The following PCLO variants were observed in gnomAD, a reference collection of about 807,000 sequenced individuals.
PCLO encodes protein piccolo.
Under a neutral mutation model 427.5 loss-of-function variants are expected in PCLO, and 82 were observed. The observed-to-expected ratio is 0.19, with a 90% CI of 0.16 to 0.23. PCLO has a LOEUF of 0.23. PCLO is among the 10% of genes least tolerant of loss of function. The pLI is 1.00. For missense variants in PCLO, 6,239 were observed against 6,115.9 expected, an observed-to-expected ratio of 1.02 and a Z score of -0.67; for synonymous variants, 2,357 against 2,155.4, an observed-to-expected ratio of 1.09 and a Z score of -2.59.
Position 82,951,094 on chromosome 7 carries a change from A to G in PCLO, c.9494T>C (p.Leu3165Ser), listed in dbSNP as rs371068804. The G allele has an allele frequency of 4.2e-5, 68 of 1,613,746 alleles. No homozygotes were observed. The highest frequency in any genetic ancestry group is 5.7e-5 in the Non-Finnish European group (67 of 1,179,826). The change falls in exon 6 of 25, where the codon TTG (leucine) becomes TCG (serine). Residue 3165 changes from leucine to serine, a missense_variant. Leu to Ser is a moderately radical substitution (Grantham distance 145, BLOSUM62 -2). Transcript: ENST00000333891. ...AAGAGACTCCATAGTAATAGTTTGC[A>G]AACTGGCACTGATATCAATACCAGT... The part of the protein sequence containing the change: ...AVTGIDISAS[L>S]QTITMESLTA...
chr7:82,994,931 T>C lies in PCLO; in HGVS notation c.3301-28444A>G, dbSNP rs942199980. Among the ~76,000 whole-genome samples, 9 of 151,964 alleles carry C rather than the reference T, an allele frequency of 5.9e-5. No individual in the cohort carries two copies. The Admixed American group carries it at 5.9e-4, about 10-fold the overall frequency. On this transcript the variant is annotated intron_variant, in intron 3 of 24. Transcript: ENST00000333891. Reference sequence around the variant, plus strand: ...AATGTAAAGATTATTCTGTAATTACTGGCTTGGATTTCTGGGTGGATTACT... The same window carrying C: ...AATGTAAAGATTATTCTGTAATTACCGGCTTGGATTTCTGGGTGGATTACT...
At position 82,949,978 on chromosome 7, in the gene PCLO, G is replaced by T. The variant is rs1158170756; in HGVS notation, c.10610C>A (p.Pro3537His). ...QTEPVGTIRT[P>H]SIRARVDAKV... ...GGCATCCACTCGTGCCCGTATGGAG[G>T]GTGTTCTTATGGTTCCAACTGGTTC... Residue 3537 changes from proline to histidine, a missense_variant, in exon 6 of 25, where the codon CCC becomes CAC. Pro to His is a moderately conservative substitution (Grantham distance 77, BLOSUM62 -2). Transcript: ENST00000333891. The T allele has an allele frequency of 6.2e-7, 1 of 1,613,324 alleles. No homozygotes were observed. Among genetic ancestry groups the T allele is most frequent in the Non-Finnish European group, 8.5e-7 (1 of 1,179,774 alleles).
In PCLO at chr7:83,135,448, T is replaced by C. The variant is rs778105246; in HGVS notation, c.2102A>G (p.Lys701Arg). 2 of 1,613,906 alleles carry C rather than the reference T, an allele frequency of 1.2e-6. No homozygotes were observed. The highest frequency in any genetic ancestry group is 3.3e-5 in the Admixed American group (2 of 60,016). ...TTGTTTCACTAGTGGTGGTGGCTTTTTAGGCTCAGGTGCCTTGGAGAGATC... is the reference window on the plus strand; with the variant it reads ...TTGTTTCACTAGTGGTGGTGGCTTTCTAGGCTCAGGTGCCTTGGAGAGATC... Reference protein sequence around the residue: ...KQDLSKAPEPKKPPPLVKQPT... With the variant: ...KQDLSKAPEPRKPPPLVKQPT... The change falls in exon 3 of 25, where the codon AAA (lysine) becomes AGA (arginine). Residue 701 changes from lysine (K) to arginine (R), a missense_variant. Around this residue, in one of 5 missense-constraint regions of PCLO, gnomAD observed 4,677 missense variants for 4,468.4 expected, o/e 1.05. Coordinates refer to ENST00000333891, the MANE Select transcript of PCLO (RefSeq NM_033026.6).
intron 3 of PCLO, among the ~76,000 whole-genome samples, chr7:83,030,133 AAG>A (rs775695023): frequency 0.043 from 6,092 of 142,312 alleles, 189 homozygotes; most frequent in Non-Finnish European, 0.067. Context: ...AAAAAAAAAA[AAG>A]AAAAGAAAAG....
intron 3 of PCLO, among the ~76,000 whole-genome samples, chr7:82,990,710 T>A (rs1403108742): frequency 1.3e-5 from 2 of 152,150 alleles, no homozygotes; most frequent in Non-Finnish European, 2.9e-5. Flanking sequence ...ATAGTTGGTG[T>A]TATGATTGAT....
intron 6 of PCLO, among the ~76,000 whole-genome samples, chr7:82,923,597 C>T (rs182077147): frequency 6.6e-6 from 1 of 152,062 alleles, no homozygotes; most frequent in Non-Finnish European, 1.5e-5. Flanking sequence ...CAGTGTGGCT[C>T]TGTCAAAGAG....
chr7:82,872,932 AT>A (rs914723299), intron 10 of PCLO, among the ~76,000 whole-genome samples: 8 of 152,132 alleles, frequency 5.3e-5, no homozygotes, highest in African/African-American at 1.9e-4. Flanking sequence ...AGCAAAACGA[AT>A]CTTATATAGT....
chr7:82,761,755 C>G (rs982454281), intron 22 of PCLO, among the ~76,000 whole-genome samples: 2 of 149,048 alleles, frequency 1.3e-5, no homozygotes, highest in Non-Finnish European at 2.9e-5. Context: ...CAGTCCATGC[C>G]CTTAAGCCTG....
chr7:83,100,961 A>C (rs1790722540), intron 3 of PCLO, among the ~76,000 whole-genome samples: 1 of 152,114 alleles, frequency 6.6e-6, no homozygotes, highest in Non-Finnish European at 1.5e-5. Context: ...CCTTTTTACT[A>C]AAAGTACAAA....
At position 82,915,220 on chromosome 7, in the gene PCLO, T is replaced by C. The variant is rs886813829; in HGVS notation, c.12766A>G (p.Met4256Val). The change falls in exon 7 of 25, where the codon ATG becomes GTG. Residue 4256 changes from methionine to valine, a missense_variant. Physicochemically the swap from Met to Val is conservative, Grantham distance 21. Around this residue, in one of 5 missense-constraint regions of PCLO, gnomAD observed 680 missense variants for 677.3 expected, o/e 1.00. Transcript: ENST00000333891. The part of the protein sequence containing the change: ...RKNITDQQKF[M>V]GSSLGTGLGT... Reference sequence around the variant, plus strand: ...AGTCCTGTGCCAAGAGAAGATCCCATAAATTTTTGTTGGTCTGTAATATTT... The same window carrying C: ...AGTCCTGTGCCAAGAGAAGATCCCACAAATTTTTGTTGGTCTGTAATATTT... The C allele has an allele frequency of 1.9e-6, 3 of 1,612,932 alleles. No individual in the cohort carries two copies. In the African/African-American group the frequency reaches 4.0e-5, roughly 22 times the overall value.
At chr7:82,977,095 C>T (rs557198609) in intron 3 of PCLO, among the ~76,000 whole-genome samples, 45 of 152,022 alleles carry the variant, frequency 3.0e-4, no homozygotes, top group South Asian at 6.2e-4. Flanking sequence ...TTTACACTCA[C>T]CCACTATCCA....
At chr7:83,098,086 A>G (rs1470366060) in intron 3 of PCLO, among the ~76,000 whole-genome samples, 2 of 152,112 alleles carry the variant, frequency 1.3e-5, no homozygotes, top group Non-Finnish European at 2.9e-5. Flanking sequence ...TATTCACTGA[A>G]GAAAGGTAAG....
At chr7:82,862,442 C>T (rs1208798258) in intron 10 of PCLO, among the ~76,000 whole-genome samples, 1 of 151,504 alleles carries the variant, frequency 6.6e-6, no homozygotes, top group Non-Finnish European at 1.5e-5. Context: ...CACAATCCTA[C>T]TGCTGGGTAT....
chr7:83,047,542 ATTAT>A (rs751763575), intron 3 of PCLO, among the ~76,000 whole-genome samples: 2 of 152,024 alleles, frequency 1.3e-5, no homozygotes, highest in African/African-American at 2.4e-5. Context: ...TGGTTTCCAC[ATTAT>A]TAATAATGGA....
At chr7:82,960,200 G>A (rs1795625768) in intron 4 of PCLO, among the ~76,000 whole-genome samples, 1 of 152,194 alleles carries the variant, frequency 6.6e-6, no homozygotes, top group Non-Finnish European at 1.5e-5. Context: ...ATTAAACAAT[G>A]AATGCAAATC....
chr7:83,027,451 G>C (rs1426697971), intron 3 of PCLO, among the ~76,000 whole-genome samples: 1 of 151,944 alleles, frequency 6.6e-6, no homozygotes, highest in Non-Finnish European at 1.5e-5. Context: ...ATCTGAAATT[G>C]TGGCAATAAT....
chr7:82,999,317 GATATGTAATAAATATATCCAT>G (rs1787718824), intron 3 of PCLO, among the ~76,000 whole-genome samples: 6 of 137,120 alleles, frequency 4.4e-5, no homozygotes, highest in African/African-American at 1.4e-4. Flanking sequence ...AATATATATG[GATATGTAATAAATATATCCAT>G]ATATATTTAA....
At chr7:82,862,059 C>T (rs556691503) in intron 10 of PCLO, among the ~76,000 whole-genome samples, 2 of 151,762 alleles carry the variant, frequency 1.3e-5, no homozygotes, top group East Asian at 3.9e-4. Context: ...ACTAGAAAAG[C>T]AAGAGCAAAC....
chr7:82,950,959 T>C lies in PCLO; in HGVS notation c.9629A>G (p.Gln3210Arg), dbSNP rs1434105950. ...ALLIVPEEDKQQQQLDLEREL... is the reference protein window; with the variant it reads ...ALLIVPEEDKRQQQLDLEREL... ...ACGCTCCAAGTCTAGCTGCTGCTGTTGTTTATCTTCTTCAGGGACAATTAA... is the reference window on the plus strand; with the variant it reads ...ACGCTCCAAGTCTAGCTGCTGCTGTCGTTTATCTTCTTCAGGGACAATTAA... The change falls in exon 6 of 25, where the codon CAA becomes CGA. Residue 3210 changes from glutamine to arginine, a missense_variant. Physicochemically the swap from Gln to Arg is conservative, Grantham distance 43. Coordinates refer to ENST00000333891, the MANE Select transcript of PCLO (RefSeq NM_033026.6). 1 of 1,613,604 alleles carries C rather than the reference T, an allele frequency of 6.2e-7. No homozygotes were observed. Among genetic ancestry groups the C allele is most frequent in the Non-Finnish European group, 8.5e-7 (1 of 1,179,878 alleles).
Sources: gnomAD v4.1 joint callset for allele counts (sites outside exome capture counted in the v4.1 genomes callset) on GRCh38, gnomAD v4.1.1 for gene constraint, gnomAD v4.1.1 regional missense constraint, MANE v1.5 for transcripts, NCBI Gene and HGNC (gene_info 2026-07-23, HGNC 2026-07-21) for gene names.